Variants in PAK3 observed in about 807,000 individuals in gnomAD.
PAK3 encodes p21 (RAC1) activated kinase 3, also known as serine/threonine-protein kinase PAK 3.
A neutral mutation model predicts 41.0 loss-of-function variants in PAK3; 4 were observed. That is an observed-to-expected ratio of 0.10 (90% CI 0.05 to 0.22). The LOEUF is 0.22. Among genes scored for constraint, PAK3 ranks in the 10% least tolerant of loss-of-function variants. The probability of loss-of-function intolerance (pLI) is 1.00; values close to 1 mark genes in which losing one functional copy is unlikely to be tolerated. For missense variants in PAK3, 205 were observed against 409.9 expected, an observed-to-expected ratio of 0.50 and a Z score of 4.32; for synonymous variants, 146 against 139.6, an observed-to-expected ratio of 1.05 and a Z score of -0.32.
intron 16 of PAK3, among the ~76,000 whole-genome samples, chrX:111,209,508 A>C (rs1035080693): frequency 8.9e-6 from 1 of 112,135 alleles, no homozygotes; most frequent in Admixed American, 9.5e-5. Context: ...GTTGCATTGT[A>C]TGTTAAGTCG....
intron 1 of PAK3, among the ~76,000 whole-genome samples, chrX:111,040,837 C>A (rs751722092): frequency 8.9e-6 from 1 of 112,202 alleles, no homozygotes; most frequent in Non-Finnish European, 1.9e-5. Flanking sequence ...GTAACACTGG[C>A]GGTTTCCTGG....
At chrX:111,197,320 C>A (rs1471048186) in intron 16 of PAK3, among the ~76,000 whole-genome samples, 1 of 112,251 alleles carries the variant, frequency 8.9e-6, no homozygotes, top group Non-Finnish European at 1.9e-5. Context: ...GTTATCCAAT[C>A]CACTGTTGAT....
At chrX:110,974,347 C>G (rs753281726) in intron 1 of PAK3, among the ~76,000 whole-genome samples, 111 of 112,125 alleles carry the variant, frequency 9.9e-4, no homozygotes, top group Non-Finnish European at 2.0e-3. Context: ...TGCAAATAAA[C>G]TAGAAAATCT....
intron 1 of PAK3, among the ~76,000 whole-genome samples, chrX:111,051,173 C>A (rs1156257803): frequency 9.0e-6 from 1 of 111,526 alleles, no homozygotes; most frequent in Non-Finnish European, 1.9e-5. Context: ...GAATCAACTC[C>A]TGTTGGGGGA....
chrX:111,215,038 C>T (rs920819774), intron 16 of PAK3, among the ~76,000 whole-genome samples: 2 of 111,504 alleles, frequency 1.8e-5, no homozygotes, highest in Non-Finnish European at 3.8e-5. Context: ...ACTACTTCAT[C>T]CTTGTGTTTA....
At chrX:111,021,666 A>T (rs192607190) in intron 1 of PAK3, among the ~76,000 whole-genome samples, 1 of 111,271 alleles carries the variant, frequency 9.0e-6, no homozygotes, top group African/African-American at 3.3e-5. Flanking sequence ...ATGGATCCAA[A>T]CCAAGATGAA....
chrX:111,147,996 T>G (rs1392207462), intron 7 of PAK3, 106 bp downstream of exon 7: 2 of 679,527 alleles, frequency 2.9e-6, no homozygotes, highest in Admixed American at 5.3e-5. Context: ...TTCTAGTACC[T>G]TCTTCAAATG....
chrX:111,110,308 G>A lies in PAK3; in HGVS notation c.-28+7002G>A, dbSNP rs139722976. Among the ~76,000 whole-genome samples the A allele has an allele frequency of 8.1e-4, 91 of 112,067 alleles. 1 individual carries two copies. The highest frequency in any genetic ancestry group is 2.7e-3 in the African/African-American group (84 of 30,873). ...AATAGCTTCAGAGGGGTGAAGAGAT[G>A]TACCTAATGTCACGCAGCTTGTGAG... On this transcript the variant is annotated intron_variant, in intron 4 of 17. Coordinates refer to ENST00000372007, the MANE Select transcript of PAK3 (RefSeq NM_002578.5).
chrX:111,220,748 G>T lies in PAK3; in HGVS notation c.*301G>T. The stretch of plus-strand genomic sequence containing the variant: ...TTTGTGCATTCACTTTGAAGAAAAA[G>T]GTTTCTCAAAGATGCACACTCCCTC... On this transcript the variant is annotated 3_prime_UTR_variant, in exon 18 of 18. Transcript: ENST00000372007. 3.3e-6 allele frequency: 1 copy of T among 303,820 alleles called. No homozygotes were observed. Among genetic ancestry groups the T allele is most frequent in the African/African-American group, 2.7e-5 (1 of 37,639 alleles). 25.0% of individuals were successfully genotyped at this position (303,820 alleles called of 1,213,427 possible). A position where few individuals can be genotyped will look rare whatever the true frequency, so the allele number is the denominator to read the frequency against.
intron 1 of PAK3, among the ~76,000 whole-genome samples, chrX:111,047,843 A>G (rs891116046): frequency 9.0e-6 from 1 of 111,711 alleles, no homozygotes; most frequent in African/African-American, 3.3e-5. Flanking sequence ...CTGCAATGCT[A>G]TCTCTTTCTC....
chrX:111,168,324 T>C (rs540049332), intron 10 of PAK3, among the ~76,000 whole-genome samples: 5 of 112,406 alleles, frequency 4.4e-5, no homozygotes, highest in African/African-American at 1.6e-4. Flanking sequence ...GGTATTGCTT[T>C]TTTTTCTTTT....
At chrX:111,107,466 T>C (rs1362952498) in intron 4 of PAK3, among the ~76,000 whole-genome samples, 1 of 112,319 alleles carries the variant, frequency 8.9e-6, no homozygotes, top group Non-Finnish European at 1.9e-5. Context: ...AGACTGTAGA[T>C]TTCCCTGCAA....
rs2094941592 is a variant in PAK3, at chrX:111,224,134, G to T, written c.*3687G>T. ...GCTTTATGCTTGCCTGGGTGCTGAG[G>T]TTGGCACACGCTCGGGTATGGCACA... On this transcript the variant is annotated 3_prime_UTR_variant, in exon 18 of 18. Transcript: ENST00000372007. 1 of 111,428 alleles carries T rather than the reference G, an allele frequency of 9.0e-6. No individual in the cohort carries two copies. The highest frequency in any genetic ancestry group is 1.9e-5 in the Non-Finnish European group (1 of 53,091). The allele number at this position is 111,428 out of a possible 1,213,427, so 9.2% of individuals were successfully genotyped here.
chrX:110,974,289 CG>C (rs1284299410), intron 1 of PAK3, among the ~76,000 whole-genome samples: 2 of 111,595 alleles, frequency 1.8e-5, no homozygotes, highest in African/African-American at 6.5e-5. Context: ...ATATCACCAC[CG>C]ATTCCACAGA....
intron 11 of PAK3, among the ~76,000 whole-genome samples, chrX:111,191,709 A>G (rs1256708078): frequency 8.9e-6 from 1 of 112,109 alleles, no homozygotes; most frequent in Non-Finnish European, 1.9e-5. Context: ...AAAGGCCTGC[A>G]ATGTTGGTTA....
intron 5 of PAK3, among the ~76,000 whole-genome samples, chrX:111,133,823 A>G (rs564644070): frequency 3.6e-5 from 4 of 112,364 alleles, no homozygotes; most frequent in African/African-American, 1.3e-4. Context: ...GACATGTACC[A>G]TAATATTTTG....
chrX:110,987,301 C>T (rs952478796), intron 1 of PAK3, among the ~76,000 whole-genome samples: 12 of 112,587 alleles, frequency 1.1e-4, no homozygotes, highest in Non-Finnish European at 2.1e-4. Context: ...TTGTGGAAGT[C>T]GGGGCAACCT....
chrX:111,216,664 A>G (rs993128565), intron 17 of PAK3, 106 bp downstream of exon 17: 10 of 701,928 alleles, frequency 1.4e-5, no homozygotes, highest in Non-Finnish European at 2.3e-5. Context: ...TTAGGCTATT[A>G]CCATTTTATT....
At chrX:111,192,472 T>C (rs375907575) in intron 12 of PAK3, 34 bp from the exon 13 acceptor site, 1 of 734,118 alleles carries the variant, frequency 1.4e-6, no homozygotes, top group Admixed American at 2.2e-5. Flanking sequence ...TTATAATGAT[T>C]GTAATTCATT....
Sources: allele counts gnomAD v4.1 joint callset (sites outside exome capture counted in the v4.1 genomes callset), GRCh38; gene constraint gnomAD v4.1.1; transcripts MANE v1.5; gene names NCBI Gene and HGNC (gene_info 2026-07-23, HGNC 2026-07-21).